Variants in BABAM2 observed in about 807,000 individuals in gnomAD.
BABAM2 encodes the protein BRISC and BRCA1-A complex member 2.
Under a neutral mutation model 54.7 loss-of-function variants are expected in BABAM2, and 31 were observed. That is an observed-to-expected ratio of 0.57 (90% confidence interval 0.43 to 0.77). The LOEUF is 0.77. BABAM2 is among the 30% of genes least tolerant of loss of function. BABAM2 has a pLI of 0.00. For missense variants in BABAM2, 364 were observed against 455.8 expected (o/e 0.80, Z 1.83); for synonymous variants, 167 against 162.9 (o/e 1.03, Z -0.19).
chr2:28,179,352 A>G (rs1330234559), intron 7 of BABAM2, among the ~76,000 whole-genome samples: 2 of 152,174 alleles, frequency 1.3e-5, no homozygotes, highest in Non-Finnish European at 2.9e-5. Flanking sequence ...AAGATACGAT[A>G]TAGCCATCAT....
At chr2:27,968,173 G>A (rs1670959812) in intron 3 of BABAM2, among the ~76,000 whole-genome samples, 1 of 152,216 alleles carries the variant, frequency 6.6e-6, no homozygotes, top group Non-Finnish European at 1.5e-5. Context: ...GAGGCCTAGG[G>A]GTAAAATGTG....
At chr2:27,935,733 T>A (rs2148365846) in intron 3 of BABAM2, among the ~76,000 whole-genome samples, 1 of 152,340 alleles carries the variant, frequency 6.6e-6, no homozygotes, top group Admixed American at 6.5e-5. Context: ...GACTTCATTG[T>A]TGTCTTATTT....
rs2148260446 is a variant in BABAM2 at position 28,304,960 on chromosome 2, G to A, written c.1088+6469G>A. The stretch of plus-strand genomic sequence containing the variant: ...CCCAAAGCACTAGGATTACAGGCAT[G>A]AGCCAGCACGCCCAGCCTGCAATTT... On this transcript the variant is annotated intron_variant, in intron 11 of 11. Transcript: ENST00000379624. This position sits in a 1 kb window ranked among gnomAD's most constrained non-coding sequence, Gnocchi z 4.0. 6.6e-6 allele frequency among the ~76,000 whole-genome samples: 1 copy of A among 152,318 alleles called. No homozygotes were observed. Among genetic ancestry groups the A allele is most frequent in the Non-Finnish European group, 1.5e-5 (1 of 68,030 alleles).
At chr2:28,111,747 A>G (rs1261529126) in intron 6 of BABAM2, among the ~76,000 whole-genome samples, 2 of 152,202 alleles carry the variant, frequency 1.3e-5, no homozygotes, top group African/African-American at 2.4e-5. Context: ...GCACATACAA[A>G]TAACCTAGGA....
intron 7 of BABAM2, among the ~76,000 whole-genome samples, chr2:28,192,530 T>TC (rs1677044934): frequency 6.7e-6 from 1 of 149,464 alleles, no homozygotes; most frequent in African/African-American, 2.5e-5. Context: ...TTTTTTTTTT[T>TC]TTTTTTTTTG....
chr2:27,903,884 G>A (rs551557685), intron 2 of BABAM2, among the ~76,000 whole-genome samples: 19 of 152,206 alleles, frequency 1.2e-4, no homozygotes, highest in Admixed American at 7.8e-4. Flanking sequence ...ATTAAGTCAA[G>A]AACATTTACC....
chr2:28,027,713 T>G (rs993960385), intron 5 of BABAM2, among the ~76,000 whole-genome samples: 1 of 152,254 alleles, frequency 6.6e-6, no homozygotes, highest in African/African-American at 2.4e-5. Context: ...TACCAATTAA[T>G]GGACACTTGG....
At position 28,144,319 on chromosome 2, in the gene BABAM2, C is replaced by T. The variant is rs574818502; in HGVS notation, c.680+14939C>T. Among the ~76,000 whole-genome samples, 5 of 152,262 alleles carry T rather than the reference C, an allele frequency of 3.3e-5. No homozygotes were observed. The South Asian group carries it at 1.0e-3, about 32-fold the overall frequency. On this transcript the variant is annotated intron_variant, in intron 7 of 11. Transcript: ENST00000379624. ...TGAAATTCCCTCTAGATACTGTGCA[C>T]AGGGACCTTAGGTAATACCAGTCAC...
At chr2:27,950,488 T>C (rs1248581073) in intron 3 of BABAM2, among the ~76,000 whole-genome samples, 1 of 152,182 alleles carries the variant, frequency 6.6e-6, no homozygotes, top group Non-Finnish European at 1.5e-5. Context: ...CTACCTTGCA[T>C]TCCTGGGATG....
intron 7 of BABAM2, among the ~76,000 whole-genome samples, chr2:28,185,314 A>G (rs1011749136): frequency 9.2e-5 from 14 of 152,192 alleles, no homozygotes; most frequent in African/African-American, 3.4e-4. Context: ...GTCTGTTTCT[A>G]GGTGGAATGA....
In BABAM2 at chr2:28,025,334, C is replaced by T. The variant is rs773570433; in HGVS notation, c.409C>T (p.Arg137Cys). 12 of 1,613,026 alleles carry T rather than the reference C, an allele frequency of 7.4e-6. No homozygotes were observed. Among genetic ancestry groups the T allele is most frequent in the Non-Finnish European group, 8.5e-6 (10 of 1,179,746 alleles). ...FQCSRLRESS[R>C]LMFEYQTLLE... The stretch of plus-strand genomic sequence containing the variant: ...ATGTAGCCGCCTCCGGGAGAGCTCC[C>T]GCCTCATGTTTGAATACCAGACATT... Residue 137 changes from arginine (R) to cysteine (C), a missense_variant, in exon 5 of 12, where the codon CGC becomes TGC. Arg to Cys is a radical substitution (Grantham distance 180, BLOSUM62 -3). Transcript: ENST00000379624.
intron 6 of BABAM2, among the ~76,000 whole-genome samples, chr2:28,094,942 A>T (rs10182585): frequency 1.4e-5 from 2 of 143,380 alleles, no homozygotes; most frequent in African/African-American, 2.7e-5. Flanking sequence ...CTATTAGTCT[A>T]TTATGTGTTG....
intron 7 of BABAM2, among the ~76,000 whole-genome samples, chr2:28,143,900 C>T (rs1671274280): frequency 6.6e-6 from 1 of 152,188 alleles, no homozygotes; most frequent in Non-Finnish European, 1.5e-5. Context: ...AATAGAACTT[C>T]ATCTCTACCC....
intron 6 of BABAM2, among the ~76,000 whole-genome samples, chr2:28,057,383 C>T (rs1041071655): frequency 2.6e-5 from 4 of 152,110 alleles, no homozygotes; most frequent in East Asian, 1.9e-4. Context: ...TTCTTCAGTC[C>T]GTTTATGAGG....
intron 6 of BABAM2, among the ~76,000 whole-genome samples, chr2:28,112,177 C>T (rs867399846): frequency 8.9e-5 from 3 of 33,688 alleles, no homozygotes; most frequent in African/African-American, 1.2e-4. Context: ...CTCCCTCCCT[C>T]CCTCCCTCCC....
rs1201022964 is a variant in BABAM2 at position 28,237,262 on chromosome 2, T to G, written c.741T>G (p.Ile247Met). 2 of 1,613,942 alleles carry G rather than the reference T, an allele frequency of 1.2e-6. No homozygotes were observed. The highest frequency in any genetic ancestry group is 1.7e-6 in the Non-Finnish European group (2 of 1,179,886). The stretch of plus-strand genomic sequence containing the variant: ...CTTTTCCAGGAGGAGGATGTCTCAT[T>G]GATTACGTTCCTCAAGTATGCCACC... ...IPAFPGGGCL[I>M]DYVPQVCHLL... is the part of the protein sequence containing the mutation. Residue 247 changes from isoleucine (I) to methionine (M), a missense_variant, in exon 8 of 12, where the codon ATT becomes ATG. Physicochemically the swap from Ile to Met is conservative, Grantham distance 10. Coordinates refer to ENST00000379624, the MANE Select transcript of BABAM2 (RefSeq NM_199191.3).
At chr2:27,942,291 T>C (rs945020601) in intron 3 of BABAM2, among the ~76,000 whole-genome samples, 8 of 152,332 alleles carry the variant, frequency 5.3e-5, no homozygotes, top group South Asian at 2.1e-4. Flanking sequence ...ATTGAGACTT[T>C]ATTGATTTAT....
At chr2:27,998,087 A>T (rs62140391) in intron 4 of BABAM2, among the ~76,000 whole-genome samples, 1 of 151,980 alleles carries the variant, frequency 6.6e-6, no homozygotes, top group South Asian at 2.1e-4. Flanking sequence ...TGGGAGGTGG[A>T]GGTTGCAGTG....
intron 7 of BABAM2, among the ~76,000 whole-genome samples, chr2:28,231,725 T>A (rs753449551): frequency 6.7e-6 from 1 of 149,962 alleles, no homozygotes; most frequent in Non-Finnish European, 1.5e-5. Context: ...TTGGTGCTAT[T>A]TTTGTGTTAA....
Sources: allele counts gnomAD v4.1 joint callset (sites outside exome capture counted in the v4.1 genomes callset), GRCh38; gene constraint gnomAD v4.1.1; non-coding constraint Gnocchi (gnomAD v3.1); transcripts MANE v1.5; gene names NCBI Gene and HGNC (gene_info 2026-07-23, HGNC 2026-07-21).